XPOT: variants seen among roughly 807,000 people sequenced by gnomAD.
XPOT encodes exportin for tRNA.
XPOT carries 34 observed loss-of-function variants against 128.2 expected under a neutral mutation model. That is an observed-to-expected ratio of 0.27 (90% confidence interval 0.20 to 0.35). XPOT has a LOEUF of 0.35. Ranked by LOEUF, XPOT falls within the 10% of genes least tolerant of loss-of-function variation. The probability of loss-of-function intolerance (pLI) is 1.00; values close to 1 mark genes in which losing one functional copy is unlikely to be tolerated. For synonymous variants in XPOT, 348 were observed against 394.3 expected, an observed-to-expected ratio of 0.88 and a Z score of 1.39; for missense variants, 838 against 1,125.3, an observed-to-expected ratio of 0.74 and a Z score of 3.65.
chr12:64,416,896 T>G, intron 4 of XPOT, 142 bp downstream of exon 4: 1 of 781,356 alleles, frequency 1.3e-6, no homozygotes, highest in Non-Finnish European at 2.1e-6. Context: ...AGATACGTTT[T>G]GATGTACCCC....
intron 2 of XPOT, among the ~76,000 whole-genome samples, chr12:64,414,564 TAAC>T (rs2040069841): frequency 6.6e-6 from 1 of 152,142 alleles, no homozygotes; most frequent in African/African-American, 2.4e-5. Flanking sequence ...ATCACACCCT[TAAC>T]TCATCCTCTG....
At chr12:64,444,979 A>C in intron 23 of XPOT, 96 bp from the exon 24 acceptor site, 1 of 1,024,992 alleles carries the variant, frequency 9.8e-7, no homozygotes, top group Non-Finnish European at 1.4e-6. Context: ...TCTTAAAAAA[A>C]AAAAAAAAAT....
Position 64,423,052 on chromosome 12 carries a change from C to G in XPOT, c.1119+9C>G, listed in dbSNP as rs760071994. On this transcript the variant is annotated intron_variant, in intron 10 of 24. Transcript: ENST00000332707. ...AAAAAGCTAATGTAGAGGTAATTGA[C>G]TTTATGCTTCTTTTAAACCAATGAT... 6.2e-7 allele frequency: 1 copy of G among 1,612,686 alleles called. No individual in the cohort carries two copies. Among genetic ancestry groups the G allele is most frequent in the Admixed American group, 1.7e-5 (1 of 59,776 alleles).
intron 11 of XPOT, among the ~76,000 whole-genome samples, chr12:64,424,073 G>A (rs1391549050): frequency 6.6e-6 from 1 of 152,160 alleles, no homozygotes; most frequent in Non-Finnish European, 1.5e-5. Context: ...GGTTGTAAAA[G>A]GATAATAGTG....
chr12:64,430,323 G>GTATC (rs757963752), intron 17 of XPOT, 36 bp downstream of exon 17: 2 of 1,476,600 alleles, frequency 1.4e-6, no homozygotes, highest in Non-Finnish European at 1.8e-6. Context: ...TAAAGTGCAT[G>GTATC]TATCTACACA....
Position 64,431,682 on chromosome 12 carries a change from C to T in XPOT, c.2121C>T (p.Phe707=). Residue 707 remains phenylalanine (F), a synonymous_variant, in exon 18 of 25, where the codon TTC becomes TTT. Transcript: ENST00000332707. The part of the protein sequence containing the change: ...KDILRSGVRT[F]LHRMIICLEE... ...TTCTCAGAAGTGGAGTCCGTACTTT[C>T]CTTCATCGAATGATTATTTGCCTGG... 1 of 1,613,984 alleles carries T rather than the reference C, an allele frequency of 6.2e-7. No homozygotes were observed. The highest frequency in any genetic ancestry group is 8.5e-7 in the Non-Finnish European group (1 of 1,179,914).
chr12:64,415,887 G>A (rs912618308), intron 3 of XPOT, among the ~76,000 whole-genome samples: 10 of 152,136 alleles, frequency 6.6e-5, no homozygotes, highest in East Asian at 1.9e-4. Context: ...ATTTGTCCCC[G>A]CCTCTCAAGT....
At chr12:64,439,834 A>C (rs947748060) in intron 23 of XPOT, among the ~76,000 whole-genome samples, 6 of 152,192 alleles carry the variant, frequency 3.9e-5, no homozygotes, top group Non-Finnish European at 8.8e-5. Context: ...TTGGCATATA[A>C]TTTTCCAGAT....
At position 64,423,556 on chromosome 12, in the gene XPOT, T is replaced by G. The variant is rs370596520; in HGVS notation, c.1182+312T>G. Among the ~76,000 whole-genome samples, 22 of 152,104 alleles carry G rather than the reference T, an allele frequency of 1.4e-4. No individual in the cohort carries two copies. The East Asian group carries it at 3.5e-3, about 24-fold the overall frequency. ...GCATCCTCTGCCTCCTGGGTTCAAGTGATTCTTGTGCCTCAGCCACCTTAG... is the reference window on the plus strand; with the variant it reads ...GCATCCTCTGCCTCCTGGGTTCAAGGGATTCTTGTGCCTCAGCCACCTTAG... On this transcript the variant is annotated intron_variant, in intron 11 of 24. Transcript: ENST00000332707.
In XPOT at chr12:64,426,221, C is replaced by T. The variant is rs1316276420; in HGVS notation, c.1667+312C>T. ...ACTCAGGAGGCTGAGGCAGGAGAAT[C>T]GCTTGAACCTGGGAGGTGGAGGTTG... On this transcript the variant is annotated intron_variant, in intron 15 of 24. Transcript: ENST00000332707. Among the ~76,000 whole-genome samples the T allele has an allele frequency of 8.0e-5, 12 of 149,892 alleles. 1 individual carries two copies. The highest frequency in any genetic ancestry group is 7.4e-4 in the Admixed American group (11 of 14,910).
Position 64,425,177 on chromosome 12 carries a change from C to G in XPOT, c.1447C>G (p.Arg483Gly), listed in dbSNP as rs922857282. ...SKASALQDMM[R>G]TLVTSGVSSY... ...AGCTAGTGCTTTGCAGGATATGATG[C>G]GAACTGTAAGTATACTGGAGATAAT... Residue 483 changes from arginine to glycine, a missense_variant, in exon 13 of 25, where the codon CGA (arginine) becomes GGA (glycine). By Grantham distance (125) the Arg-to-Gly change is moderately radical (BLOSUM62 -2). Transcript: ENST00000332707. The G allele has an allele frequency of 6.2e-7, 1 of 1,613,966 alleles. No homozygotes were observed. The highest frequency in any genetic ancestry group is 1.1e-5 in the South Asian group (1 of 91,078).
Position 64,433,529 on chromosome 12 carries a change from T to C in XPOT, c.2378T>C (p.Met793Thr). The C allele has an allele frequency of 6.2e-7, 1 of 1,613,310 alleles. No individual in the cohort carries two copies. The highest frequency in any genetic ancestry group is 2.2e-5 in the East Asian group (1 of 44,832). Residue 793 changes from methionine to threonine, a missense_variant, in exon 19 of 25, where the codon ATG becomes ACG. Physicochemically the swap from Met to Thr is moderately conservative, Grantham distance 81. Around this residue, in one of 3 missense-constraint regions of XPOT, gnomAD observed 761 missense variants for 988.3 expected, o/e 0.77. Coordinates refer to ENST00000332707, the MANE Select transcript of XPOT (RefSeq NM_007235.6). ...CAGTCTGCTGCTTTAGAGAAGCAGA[T>C]GTTGCGGAGGAGTTACTTTGCTTTC... ...NDQSAALEKQ[M>T]LRRSYFAFLQ...
intron 17 of XPOT, among the ~76,000 whole-genome samples, chr12:64,430,585 G>A (rs185452588): frequency 2.6e-4 from 40 of 152,208 alleles, no homozygotes; most frequent in Non-Finnish European, 5.3e-4. Flanking sequence ...ATATTGGGAC[G>A]GGACATCTTT....
rs1018574092 is a variant in XPOT, at chr12:64,441,361, A to G, written c.2805+2046A>G. Among the ~76,000 whole-genome samples, 12 of 152,210 alleles carry G rather than the reference A, an allele frequency of 7.9e-5. No individual in the cohort carries two copies. The South Asian group carries it at 8.3e-4, about 11-fold the overall frequency. On this transcript the variant is annotated intron_variant, in intron 23 of 24. Coordinates refer to ENST00000332707, the MANE Select transcript of XPOT (RefSeq NM_007235.6). ...ACCATCATAGTTCACAGCAACTACA[A>G]ACGCCTGGACTCAAAGAATCCTTCT...
intron 16 of XPOT, among the ~76,000 whole-genome samples, chr12:64,429,566 C>A (rs2040220676): frequency 1.3e-5 from 2 of 151,904 alleles, no homozygotes; most frequent in African/African-American, 4.8e-5. Flanking sequence ...CCTCAGCCTC[C>A]CGCGTAGCTG....
At chr12:64,411,600 A>G (rs1054215033) in intron 2 of XPOT, among the ~76,000 whole-genome samples, 6 of 152,244 alleles carry the variant, frequency 3.9e-5, no homozygotes, top group Non-Finnish European at 2.9e-5. Flanking sequence ...AGGTCCAGGC[A>G]TAATTCAGTA....
chr12:64,441,868 CTTTT>C (rs372458496), intron 23 of XPOT, among the ~76,000 whole-genome samples: 2 of 145,038 alleles, frequency 1.4e-5, no homozygotes, highest in Non-Finnish European at 3.1e-5. Context: ...TTTGTTTTTG[CTTTT>C]TTTTTTAGTA....
intron 23 of XPOT, among the ~76,000 whole-genome samples, chr12:64,440,390 A>G (rs765613715): frequency 6.6e-5 from 10 of 152,176 alleles, no homozygotes; most frequent in Non-Finnish European, 1.2e-4. Context: ...CATTGGGGCT[A>G]TTTTCACATT....
At position 64,430,222 on chromosome 12, in the gene XPOT, G is replaced by A. The variant is rs139853540; in HGVS notation, c.1911G>A (p.Leu637=). 5.1e-4 allele frequency: 828 copies of A among 1,612,674 alleles called. 2 individuals are homozygous for A. The highest frequency in any genetic ancestry group is 6.5e-4 in the Non-Finnish European group (763 of 1,179,544). Residue 637 remains leucine, a synonymous_variant, in exon 17 of 25, where the codon CTG becomes CTA. Coordinates refer to ENST00000332707, the MANE Select transcript of XPOT (RefSeq NM_007235.6). The part of the protein sequence containing the change: ...KFKILLEKLM[L]AQDEERQASL... ...AAATTCTGTTAGAAAAGTTGATGCT[G>A]GCACAAGATGAAGAAAGGCAAGCCT... is the stretch of plus-strand genomic sequence containing the variant.
Sources: gnomAD v4.1 joint callset for allele counts (sites outside exome capture counted in the v4.1 genomes callset) on GRCh38, gnomAD v4.1.1 for gene constraint, gnomAD v4.1.1 regional missense constraint, MANE v1.5 for transcripts, NCBI Gene and HGNC (gene_info 2026-07-23, HGNC 2026-07-21) for gene names.